The following VPS26B variants were observed in gnomAD, a reference collection of about 807,000 sequenced individuals.
VPS26B encodes vacuolar protein sorting-associated protein 26B.
VPS26B carries 10 observed loss-of-function variants against 33.3 expected under a neutral mutation model. The observed-to-expected ratio is 0.30, with a 90% CI of 0.19 to 0.51. The LOEUF (loss-of-function observed/expected upper bound fraction) is 0.51, where lower values mean the gene tolerates loss of function less well. VPS26B is among the 20% of genes least tolerant of loss of function. The pLI is 0.98. For missense variants in VPS26B, 317 were observed against 452.7 expected, an observed-to-expected ratio of 0.70 and a Z score of 2.72; for synonymous variants, 190 against 176.9, an observed-to-expected ratio of 1.07 and a Z score of -0.59.
intron 1 of VPS26B, among the ~76,000 whole-genome samples, chr11:134,232,878 CA>C (rs1472248384): frequency 4.6e-5 from 7 of 152,130 alleles, no homozygotes; most frequent in African/African-American, 1.7e-4. Context: ...CACCATCGAC[CA>C]GGACTCATGC....
In VPS26B at chr11:134,239,801, A is replaced by G. The variant is rs894420360; in HGVS notation, c.381-190A>G. ...GAACTCCCTAGAATTGTGGTTGAAAAGGTCTCTGTATAGGTACATATGTGC... is the reference window on the plus strand; with the variant it reads ...GAACTCCCTAGAATTGTGGTTGAAAGGGTCTCTGTATAGGTACATATGTGC... On this transcript the variant is annotated intron_variant, in intron 2 of 5. Coordinates refer to ENST00000281187, the MANE Select transcript of VPS26B (RefSeq NM_052875.5). 4 of 618,086 alleles carry G rather than the reference A, an allele frequency of 6.5e-6. No homozygotes were observed. In the African/African-American group the frequency reaches 7.4e-5, roughly 11 times the overall value. The allele number at this position is 618,086 out of a possible 1,614,324, so 38.3% of individuals were successfully genotyped here. A position where few individuals can be genotyped will look rare whatever the true frequency, so the allele number is the denominator to read the frequency against.
chr11:134,238,374 C>G (rs1938665946), intron 2 of VPS26B, among the ~76,000 whole-genome samples: 1 of 152,080 alleles, frequency 6.6e-6, no homozygotes. Context: ...CCTTCATCTT[C>G]TTAGTGGAGT....
In VPS26B at chr11:134,239,546, C is replaced by G. The variant is rs1446979410; in HGVS notation, c.381-445C>G. 3 of 180,638 alleles carry G rather than the reference C, an allele frequency of 1.7e-5. No individual in the cohort carries two copies. In the East Asian group the frequency reaches 4.2e-4, roughly 25 times the overall value. The allele number at this position is 180,638 out of a possible 1,614,324, so 11.2% of individuals were successfully genotyped here. On this transcript the variant is annotated intron_variant, in intron 2 of 5. Coordinates refer to ENST00000281187, the MANE Select transcript of VPS26B (RefSeq NM_052875.5). ...TATTGATTGAATATTGTTCGGTGAA[C>G]AAACATGCAAAGATAAAACTACGAG...
At chr11:134,243,489 T>A in intron 4 of VPS26B, 195 bp downstream of exon 4, 1 of 624,050 alleles carries the variant, frequency 1.6e-6, no homozygotes. Context: ...TTGAGGCTAC[T>A]ATCCCATCTT....
rs1363387791 is a variant in VPS26B, at chr11:134,245,891, G to A, written c.*301G>A. The A allele has an allele frequency of 3.2e-5, 12 of 371,300 alleles. No individual in the cohort carries two copies. The highest frequency in any genetic ancestry group is 4.0e-5 in the Non-Finnish European group (8 of 198,836). The allele number at this position is 371,300 out of a possible 1,614,324, so 23.0% of individuals were successfully genotyped here. A position where few individuals can be genotyped will look rare whatever the true frequency, so the allele number is the denominator to read the frequency against. On this transcript the variant is annotated 3_prime_UTR_variant, in exon 6 of 6. Coordinates refer to ENST00000281187, the MANE Select transcript of VPS26B (RefSeq NM_052875.5). This position sits in a 1 kb window ranked among gnomAD's most constrained non-coding sequence, Gnocchi z 4.7. ...GGGGGCTGCCTTGCGTCTTAGAGGA[G>A]GGAGAGCAGAGAGCACGCATCCTTG...
At chr11:134,230,677 C>A (rs1938544009) in intron 1 of VPS26B, among the ~76,000 whole-genome samples, 1 of 152,230 alleles carries the variant, frequency 6.6e-6, no homozygotes, top group African/African-American at 2.4e-5. Flanking sequence ...AACTGATATC[C>A]CCTTGTGTGT....
chr11:134,241,237 A>G (rs1002968898), intron 3 of VPS26B, among the ~76,000 whole-genome samples: 1 of 152,116 alleles, frequency 6.6e-6, no homozygotes, highest in South Asian at 2.1e-4. Context: ...CACCCCCTGG[A>G]CCACTGTCAT....
intron 1 of VPS26B, among the ~76,000 whole-genome samples, chr11:134,230,153 G>A (rs1034671600): frequency 2.0e-5 from 3 of 152,288 alleles, no homozygotes; most frequent in Admixed American, 2.0e-4. Flanking sequence ...TTCAAGCCGG[G>A]TATGACAAGC....
At position 134,240,794 on chromosome 11, in the gene VPS26B, C is replaced by CGTGTGTGTGTGTGTGTGTGTGT. The variant is rs55726358; in HGVS notation, c.545+652_545+673dup. On this transcript the variant is annotated intron_variant, in intron 3 of 5. Transcript: ENST00000281187. The surrounding 1 kb of genome is among the most constrained non-coding windows in gnomAD (Gnocchi z 4.4). ...GTGTCCGTGTGTGTGTGTGTGTGTC[C>CGTGTGTGTGTGTGTGTGTGTGT]GTGTGTGTGTGTGTGTGTGTGTGTG... 1.4e-5 allele frequency among the ~76,000 whole-genome samples: 2 copies of CGTGTGTGTGTGTGTGTGTGTGT among 138,434 alleles called. No homozygotes were observed. The highest frequency in any genetic ancestry group is 2.4e-4 in the South Asian group (1 of 4,148). The allele number at this position is 138,434 out of a possible 152,430, so 90.8% of individuals were successfully genotyped here. A position where few individuals can be genotyped will look rare whatever the true frequency, so the allele number is the denominator to read the frequency against.
At chr11:134,231,247 T>G (rs2136046629) in intron 1 of VPS26B, among the ~76,000 whole-genome samples, 1 of 152,150 alleles carries the variant, frequency 6.6e-6, no homozygotes, top group South Asian at 2.1e-4. Flanking sequence ...TTTTAGGTTT[T>G]AATAAGCCCA....
rs150924032 is a variant in VPS26B at position 134,240,332 on chromosome 11, C to G, written c.545+177C>G. Among the ~76,000 whole-genome samples the G allele has an allele frequency of 1.3e-5, 2 of 152,072 alleles. No individual in the cohort carries two copies. The highest frequency in any genetic ancestry group is 4.8e-5 in the African/African-American group (2 of 41,392). On this transcript the variant is annotated intron_variant, in intron 3 of 5. Coordinates refer to ENST00000281187, the MANE Select transcript of VPS26B (RefSeq NM_052875.5). The surrounding 1 kb of genome is among the most constrained non-coding windows in gnomAD (Gnocchi z 4.4). ...TATGGCAGGCCAGCTGCAGCTGGAC[C>G]GACCACGACGTAAACACTTCATTTA... is the stretch of plus-strand genomic sequence containing the variant.
rs529115940 is a variant in VPS26B, at chr11:134,237,191, T to G, written c.380+2138T>G. ...GTCTTTAGGCAGAGAAAAGGTTATT[T>G]TGGAAGATTGGAGTCCATATGTAGC... On this transcript the variant is annotated intron_variant, in intron 2 of 5. Coordinates refer to ENST00000281187, the MANE Select transcript of VPS26B (RefSeq NM_052875.5). Among the ~76,000 whole-genome samples the G allele has an allele frequency of 2.0e-5, 3 of 152,358 alleles. No homozygotes were observed. In the East Asian group the frequency reaches 5.8e-4, roughly 29 times the overall value.
Position 134,235,017 on chromosome 11 carries a change from C to A in VPS26B, c.344C>A (p.Pro115Gln). Residue 115 changes from proline (P) to glutamine (Q), a missense_variant, in exon 2 of 6, where the codon CCG becomes CAG. By Grantham distance (76) the Pro-to-Gln change is moderately conservative. Transcript: ENST00000281187. ...FDFEFTHVEKPYESYTGQNVK... is the reference protein window; with the variant it reads ...FDFEFTHVEKQYESYTGQNVK... ...TTTGAGTTTACCCACGTGGAGAAGC[C>A]GTATGAGTCCTACACAGGGCAGAAT... is the stretch of plus-strand genomic sequence containing the variant. 6.2e-7 allele frequency: 1 copy of A among 1,614,076 alleles called. No individual in the cohort carries two copies. Among genetic ancestry groups the A allele is most frequent in the South Asian group, 1.1e-5 (1 of 91,080 alleles).
intron 3 of VPS26B, 48 bp from the exon 4 acceptor site, chr11:134,243,071 T>G (rs368933067): frequency 1.9e-6 from 3 of 1,599,918 alleles, no homozygotes; most frequent in Non-Finnish European, 2.6e-6. Flanking sequence ...AACAGAAAGG[T>G]CTGGCCACAG....
intron 2 of VPS26B, chr11:134,236,739 T>C (rs1486435213): frequency 6.6e-6 from 1 of 152,166 alleles, no homozygotes; most frequent in African/African-American, 2.4e-5. Flanking sequence ...TGATTCCATA[T>C]ATATGAGGTA....
chr11:134,241,296 G>A (rs1179894817), intron 3 of VPS26B, among the ~76,000 whole-genome samples: 1 of 152,180 alleles, frequency 6.6e-6, no homozygotes, highest in African/African-American at 2.4e-5. Context: ...CACCTTTGAA[G>A]GGTCAGGAAC....
chr11:134,243,114 C>T lies in VPS26B; in HGVS notation c.546-5C>T, dbSNP rs1158436838. The T allele has an allele frequency of 6.2e-7, 1 of 1,614,090 alleles. No individual in the cohort carries two copies. Among genetic ancestry groups the T allele is most frequent in the Non-Finnish European group, 8.5e-7 (1 of 1,179,972 alleles). ...ATCTTACTTTCTGTACTTTCTGTTC[C>T]CCAGATACCACTTGAAAGATGTCAT... On this transcript the variant is annotated splice_region_variant and splice_polypyrimidine_tract_variant and intron_variant, in intron 3 of 5. Transcript: ENST00000281187.
At chr11:134,242,769 CT>C (rs1938752394) in intron 3 of VPS26B, among the ~76,000 whole-genome samples, 1 of 152,250 alleles carries the variant, frequency 6.6e-6, no homozygotes, top group Non-Finnish European at 1.5e-5. Context: ...GGTCCCTGCG[CT>C]TGTGGGACTA....
At chr11:134,243,041 T>C in intron 3 of VPS26B, 78 bp from the exon 4 acceptor site, 1 of 1,459,060 alleles carries the variant, frequency 6.9e-7, no homozygotes, top group East Asian at 2.3e-5. Context: ...CGCTTGGCCG[T>C]GGCGTGTGCG....
Sources: allele counts gnomAD v4.1 joint callset (sites outside exome capture counted in the v4.1 genomes callset), GRCh38; gene constraint gnomAD v4.1.1; non-coding constraint Gnocchi (gnomAD v3.1); transcripts MANE v1.5; gene names NCBI Gene and HGNC (gene_info 2026-07-23, HGNC 2026-07-21).